Variants in PNCK observed in about 807,000 individuals in gnomAD.
PNCK encodes the protein pregnancy up-regulated nonubiquitous CaM kinase.
Under a neutral mutation model 28.3 loss-of-function variants are expected in PNCK, and 21 were observed. That is an observed-to-expected ratio of 0.74 (90% CI 0.53 to 1.07). The LOEUF (loss-of-function observed/expected upper bound fraction) is 1.07. Ranked by LOEUF, PNCK falls within the 50% of genes least tolerant of loss-of-function variation. The pLI is 0.00. For synonymous variants in PNCK, 136 were observed against 125.2 expected (o/e 1.09, Z -0.58); for missense variants, 250 against 298.3 (o/e 0.84, Z 1.19).
At chrX:153,674,222 T>C (rs782720472), upstream of PNCK, 15 of 1,163,796 alleles carry the variant, frequency 1.3e-5, no homozygotes, top group Admixed American at 3.3e-4. Flanking sequence ...TCTGCCACCC[T>C]GGGCTCCCGG....
At chrX:153,673,964 C>T (rs782495702), upstream of PNCK, 587 of 1,080,087 alleles carry the variant, frequency 5.4e-4, 5 homozygotes, top group African/African-American at 0.011. Flanking sequence ...GCTCGGGTGC[C>T]GGCCGCCACC....
intron 10 of PNCK, 48 bp from the exon 11 acceptor site, chrX:153,670,642 C>A (rs1557039386): frequency 1.7e-6 from 2 of 1,196,860 alleles, no homozygotes. Flanking sequence ...CAGGCCCCAG[C>A]CCCTAGACTG....
At chrX:153,670,699 C>T in intron 10 of PNCK, 45 bp downstream of exon 10, 1 of 1,191,687 alleles carries the variant, frequency 8.4e-7, no homozygotes. Flanking sequence ...CAGGCTACAG[C>T]TGGGGTGCGG....
chrX:153,683,726 G>A (rs1399365247), intron 1 of PNCK, among the ~76,000 whole-genome samples: 5 of 111,393 alleles, frequency 4.5e-5, no homozygotes, highest in South Asian at 7.6e-4. Flanking sequence ...ATAGTTTGGC[G>A]GACAGGGGGC....
At position 153,672,223 on chromosome X, in the gene PNCK, G is replaced by C. The variant is rs1164446232; in HGVS notation, c.201-23C>G. The C allele has an allele frequency of 2.5e-6, 3 of 1,186,295 alleles. No homozygotes were observed. In the African/African-American group the frequency reaches 5.3e-5, roughly 21 times the overall value. On this transcript the variant is annotated intron_variant, in intron 3 of 11. Transcript: ENST00000340888. ...ATCCTGCAATGGCAAGGAAGCGCCTGTGGGCCAACAGAGTCAAGGGGTGCT... is the reference window on the plus strand; with the variant it reads ...ATCCTGCAATGGCAAGGAAGCGCCTCTGGGCCAACAGAGTCAAGGGGTGCT...
rs782061174 is a variant in PNCK, at chrX:153,671,639, C to T, written c.448G>A (p.Asp150Asn). 5 of 1,198,207 alleles carry T rather than the reference C, an allele frequency of 4.2e-6. No individual in the cohort carries two copies. The South Asian group carries it at 9.2e-5, about 22-fold the overall frequency. ...ENLLYATPFE[D>N]SKIMVSDFGL... ...AAGTCAGAGACCATGATCTTCGAGT[C>T]CTCAAAGGGCGTGGCATACAGGAGG... The change falls in exon 6 of 12, where the codon GAC becomes AAC. Residue 150 changes from aspartate (D) to asparagine (N), a missense_variant. By Grantham distance (23) the Asp-to-Asn change is conservative. Transcript: ENST00000340888.
chrX:153,672,235 A>G, intron 3 of PNCK, 35 bp from the exon 4 acceptor site: 1 of 1,165,044 alleles, frequency 8.6e-7, no homozygotes. Context: ...GGGCCAACAG[A>G]GTCAAGGGGT....
At chrX:153,677,718 C>T (rs200453889), upstream of PNCK, among the ~76,000 whole-genome samples, 19 of 84,753 alleles carry the variant, frequency 2.2e-4, no homozygotes, top group African/African-American at 7.2e-4. Context: ...ATATATAGTG[C>T]ATATATATAG....
Position 153,670,930 on chromosome X carries a change from A to G in PNCK, c.794T>C (p.Leu265Ser). Residue 265 changes from leucine (L) to serine (S), a missense_variant, in exon 9 of 12, where the codon TTG becomes TCG. Transcript: ENST00000340888. The part of the protein sequence containing the change: ...PQKRFTCQQA[L>S]RHLWISGDTA... ...GGCTCCCACTCACCAAAGGTGCCGC[A>G]AGGCCTGTTGGCAGGTGAACCTCTT... 1.7e-6 allele frequency: 2 copies of G among 1,212,032 alleles called. No individual in the cohort carries two copies. Among genetic ancestry groups the G allele is most frequent in the Non-Finnish European group, 2.2e-6 (2 of 895,507 alleles).
chrX:153,673,960 G>C, upstream of PNCK: 2 of 1,078,159 alleles, frequency 1.9e-6, no homozygotes, highest in South Asian at 4.9e-5. Context: ...TCCGGCTCGG[G>C]TGCCGGCCGC....
upstream of PNCK, among the ~76,000 whole-genome samples, chrX:153,677,704 G>A (rs373308223): frequency 1.0e-5 from 1 of 96,289 alleles, no homozygotes; most frequent in African/African-American, 4.3e-5. Context: ...TATAGTGTGT[G>A]TATATATATA....
Position 153,669,883 on chromosome X carries a change from G to A in PNCK, c.*255C>T, listed in dbSNP as rs1425998515. The A allele has an allele frequency of 2.1e-5, 7 of 339,730 alleles. No individual in the cohort carries two copies. Among genetic ancestry groups the A allele is most frequent in the Admixed American group, 1.2e-4 (4 of 32,171 alleles). The allele number at this position is 339,730 out of a possible 1,213,427, so 28.0% of individuals were successfully genotyped here. On this transcript the variant is annotated 3_prime_UTR_variant, in exon 12 of 12. Transcript: ENST00000340888. ...GAGGCCCGCCTGCCAGCACCCCCTCGGCTTTTGGCGGGGCGGGGGGGGCAG... is the reference window on the plus strand; with the variant it reads ...GAGGCCCGCCTGCCAGCACCCCCTCAGCTTTTGGCGGGGCGGGGGGGGCAG...
intron 1 of PNCK, among the ~76,000 whole-genome samples, chrX:153,681,893 C>A (rs1246238787): frequency 8.9e-6 from 1 of 111,818 alleles, no homozygotes; most frequent in Non-Finnish European, 1.9e-5. Context: ...TTGGGTACAA[C>A]GTTCACTATT....
Position 153,670,435 on chromosome X carries a change from T to C in PNCK, c.*7+15A>G. The C allele has an allele frequency of 8.3e-7, 1 of 1,210,651 alleles. No homozygotes were observed. Among genetic ancestry groups the C allele is most frequent in the Non-Finnish European group, 1.1e-6 (1 of 895,209 alleles). On this transcript the variant is annotated intron_variant, in intron 11 of 11. Transcript: ENST00000340888. ...GGAGCCAGCTCCTGGGCGTGCAGGG[T>C]CCACCCAAACACACCTGGGCATCAC... is the stretch of plus-strand genomic sequence containing the variant.
chrX:153,671,672 G>A lies in PNCK; in HGVS notation c.415C>T (p.Pro139Ser). The A allele has an allele frequency of 2.5e-6, 3 of 1,185,515 alleles. No individual in the cohort carries two copies. The highest frequency in any genetic ancestry group is 3.4e-6 in the Non-Finnish European group (3 of 881,050). The change falls in exon 6 of 12, where the codon CCC becomes TCC. Residue 139 changes from proline to serine, a missense_variant and splice_region_variant. Coordinates refer to ENST00000340888, the MANE Select transcript of PNCK (RefSeq NM_001366977.1). The part of the protein sequence containing the change: ...SLGIVHRDLK[P>S]ENLLYATPFE... ...GGCGTGGCATACAGGAGGTTTTCGG[G>A]CTGTGACACACGGACACCGGGAAAA...
At chrX:153,685,216 C>A (rs1287025400) in intron 1 of PNCK, among the ~76,000 whole-genome samples, 1 of 110,986 alleles carries the variant, frequency 9.0e-6, no homozygotes, top group African/African-American at 3.3e-5. Flanking sequence ...AGCTGCTGCC[C>A]CCGGGCCGAG....
chrX:153,682,040 G>A (rs1767351484), intron 1 of PNCK, among the ~76,000 whole-genome samples: 1 of 111,970 alleles, frequency 8.9e-6, no homozygotes, highest in East Asian at 2.8e-4. Flanking sequence ...CCAGGCTGGA[G>A]TGCAGTGGCG....
At chrX:153,686,011 A>G (rs1230136978) in intron 1 of PNCK, among the ~76,000 whole-genome samples, 2 of 112,030 alleles carry the variant, frequency 1.8e-5, no homozygotes, top group Non-Finnish European at 3.8e-5. Context: ...GGAGTCAGGT[A>G]TGGGGGCCCA....
upstream of PNCK, among the ~76,000 whole-genome samples, chrX:153,675,847 A>G (rs1426002869): frequency 9.1e-6 from 1 of 109,545 alleles, no homozygotes; most frequent in Non-Finnish European, 1.9e-5. Flanking sequence ...TTTACAAGAG[A>G]AATTACACCC....
Sources: gnomAD v4.1 joint callset for allele counts (sites outside exome capture counted in the v4.1 genomes callset) on GRCh38, gnomAD v4.1.1 for gene constraint, MANE v1.5 for transcripts, NCBI Gene and HGNC (gene_info 2026-07-23, HGNC 2026-07-21) for gene names.